Variants in DLL4 observed in about 807,000 individuals in gnomAD.
DLL4 encodes the protein delta-like protein 4.
Under a neutral mutation model 73.6 loss-of-function variants are expected in DLL4, and 7 were observed. The ratio of observed to expected loss-of-function variants is 0.10; its 90% CI spans 0.05 to 0.18. DLL4 has a LOEUF of 0.18. Among genes scored for constraint, DLL4 ranks in the 10% least tolerant of loss-of-function variants. The pLI is 1.00. For synonymous variants in DLL4, 345 were observed against 374.3 expected, an observed-to-expected ratio of 0.92 and a Z score of 0.90; for missense variants, 614 against 929.9, an observed-to-expected ratio of 0.66 and a Z score of 4.42.
In DLL4 at chr15:40,931,662, C is replaced by T. The variant is rs375615875; in HGVS notation, c.554C>T (p.Ser185Phe). ...CSDNYYGDNC[S>F]RLCKKRNDHF... The stretch of plus-strand genomic sequence containing the variant: ...GACAACTACTATGGAGACAACTGCT[C>T]CCGCCTGTGCAAGAAGCGCAATGAC... Residue 185 changes from serine (S) to phenylalanine (F), a missense_variant, in exon 4 of 11, where the codon TCC (serine) becomes TTC (phenylalanine). Ser to Phe is a radical substitution (Grantham distance 155, BLOSUM62 -2). Around this residue, in one of 3 missense-constraint regions of DLL4, gnomAD observed 227 missense variants for 370.8 expected, o/e 0.61. Transcript: ENST00000249749. 132 of 1,613,446 alleles carry T rather than the reference C, an allele frequency of 8.2e-5. 1 individual carries two copies. Among genetic ancestry groups the T allele is most frequent in the Non-Finnish European group, 1.1e-4 (124 of 1,179,736 alleles).
chr15:40,935,053 C>T lies in DLL4; in HGVS notation c.1176C>T (p.Pro392=). 6.2e-7 allele frequency: 1 copy of T among 1,613,490 alleles called. No individual in the cohort carries two copies. Among genetic ancestry groups the T allele is most frequent in the Non-Finnish European group, 8.5e-7 (1 of 1,179,896 alleles). ...CCAACTATGCTTGTGAATGTCCCCC[C>T]AACTTCACCGGCTCCAACTGCGAGA... ...QGANYACECP[P]NFTGSNCEKK... The change falls in exon 8 of 11, where the codon CCC becomes CCT. Residue 392 remains proline, a synonymous_variant. Transcript: ENST00000249749.
At position 40,937,305 on chromosome 15, in the gene DLL4, CCT is replaced by C. The variant is rs1161907070; in HGVS notation, c.1944-112_1944-111del. On this transcript the variant is annotated intron_variant, in intron 9 of 10. Transcript: ENST00000249749. ...AGCCCAGCACTGGGCACGTCCAGCCCCTGTGTCTTCCCCAAGAACCACCCTGC... is the reference window on the plus strand; with the variant it reads ...AGCCCAGCACTGGGCACGTCCAGCCCGTGTCTTCCCCAAGAACCACCCTGC... The C allele has an allele frequency of 1.3e-5, 10 of 790,824 alleles. No individual in the cohort carries two copies. The East Asian group carries it at 2.4e-4, about 19-fold the overall frequency. 49.0% of individuals were successfully genotyped at this position (790,824 alleles called of 1,614,324 possible). A position where few individuals can be genotyped will look rare whatever the true frequency, so the allele number is the denominator to read the frequency against.
intron 9 of DLL4, 83 bp from the exon 10 acceptor site, chr15:40,937,335 A>T: frequency 1.1e-6 from 1 of 948,558 alleles, no homozygotes; most frequent in East Asian, 2.4e-5. Context: ...CACCCTGCAG[A>T]TGCCCTTTGG....
Position 40,936,795 on chromosome 15 carries a change from C to T in DLL4, c.1808C>T (p.Ser603Phe). ...GAAGTGGACTGTGGCCTGGACAAGT[C>T]CAACTGTGGCAAACAGCAAAACCAC... is the stretch of plus-strand genomic sequence containing the variant. ...ELEVDCGLDK[S>F]NCGKQQNHTL... The change falls in exon 9 of 11, where the codon TCC becomes TTC. Residue 603 changes from serine (S) to phenylalanine (F), a missense_variant. Around this residue, in one of 3 missense-constraint regions of DLL4, gnomAD observed 386 missense variants for 541.3 expected, o/e 0.71. Coordinates refer to ENST00000249749, the MANE Select transcript of DLL4 (RefSeq NM_019074.4). 6.2e-7 allele frequency: 1 copy of T among 1,613,770 alleles called. No homozygotes were observed. The highest frequency in any genetic ancestry group is 8.5e-7 in the Non-Finnish European group (1 of 1,179,888).
Position 40,929,611 on chromosome 15 carries a change from G to A in DLL4, c.-58G>A. ...CGGCTGGCGGACGCGCGGGAAAGCGGCGTCGCGAACAGAGCCAGATTGAGG... is the reference window on the plus strand; with the variant it reads ...CGGCTGGCGGACGCGCGGGAAAGCGACGTCGCGAACAGAGCCAGATTGAGG... On this transcript the variant is annotated 5_prime_UTR_variant, in exon 1 of 11. Coordinates refer to ENST00000249749, the MANE Select transcript of DLL4 (RefSeq NM_019074.4). The surrounding 1 kb of genome is among the most constrained non-coding windows in gnomAD (Gnocchi z 7.1). 7.0e-7 allele frequency: 1 copy of A among 1,419,844 alleles called. No individual in the cohort carries two copies. The highest frequency in any genetic ancestry group is 9.2e-7 in the Non-Finnish European group (1 of 1,081,264). The allele number at this position is 1,419,844 out of a possible 1,614,324, so 88.0% of individuals were successfully genotyped here.
In DLL4 at chr15:40,937,432, G is replaced by A; in HGVS notation, c.1958G>A (p.Cys653Tyr). The A allele has an allele frequency of 6.2e-7, 1 of 1,613,254 alleles. No individual in the cohort carries two copies. The highest frequency in any genetic ancestry group is 1.1e-5 in the South Asian group (1 of 91,064). ...TGTTCCCTCAGTGAAAAGCCAGAGTGTCGGATATCAGCGATATGCTCCCCC... is the reference window on the plus strand; with the variant it reads ...TGTTCCCTCAGTGAAAAGCCAGAGTATCGGATATCAGCGATATGCTCCCCC... ...PLRLHSEKPE[C>Y]RISAICSPRD... is the part of the protein sequence containing the mutation. Residue 653 changes from cysteine (C) to tyrosine (Y), a missense_variant, in exon 10 of 11, where the codon TGT (cysteine) becomes TAT (tyrosine). Cys to Tyr is a radical substitution (Grantham distance 194). This residue lies in a region of DLL4 where 386 missense variants were observed against 541.3 expected (regional missense o/e 0.71). Transcript: ENST00000249749.
chr15:40,931,325 G>A (rs1300989559), intron 3 of DLL4, 178 bp from the exon 4 acceptor site: 14 of 681,330 alleles, frequency 2.1e-5, no homozygotes, highest in Non-Finnish European at 3.0e-5. Flanking sequence ...GGGCAGCTAC[G>A]TAGCGGGGCT....
intron 8 of DLL4, among the ~76,000 whole-genome samples, 167 bp from the exon 9 acceptor site, chr15:40,936,061 A>C (rs1415331365): frequency 6.6e-6 from 1 of 152,212 alleles, no homozygotes; most frequent in African/African-American, 2.4e-5. Flanking sequence ...CGAGAGAATC[A>C]AGGTCATGCT....
chr15:40,930,409 C>G lies in DLL4; in HGVS notation c.337-216C>G, dbSNP rs182301711. 2 of 643,368 alleles carry G rather than the reference C, an allele frequency of 3.1e-6. No individual in the cohort carries two copies. The highest frequency in any genetic ancestry group is 2.7e-5 in the East Asian group (1 of 36,658). 39.9% of individuals were successfully genotyped at this position (643,368 alleles called of 1,614,324 possible). On this transcript the variant is annotated intron_variant, in intron 2 of 10. Transcript: ENST00000249749. This position sits in a 1 kb window ranked among gnomAD's most constrained non-coding sequence, Gnocchi z 5.7. ...CCACCCCCTCCTCCAGTGGCTCTCCCTTACACTCTCCCGTCTCTCAACCCT... is the reference window on the plus strand; with the variant it reads ...CCACCCCCTCCTCCAGTGGCTCTCCGTTACACTCTCCCGTCTCTCAACCCT...
chr15:40,930,096 C>A lies in DLL4; in HGVS notation c.316C>A (p.Pro106Thr). The change falls in exon 2 of 11, where the codon CCC becomes ACC. Residue 106 changes from proline to threonine, a missense_variant. Pro to Thr is a conservative substitution (Grantham distance 38). Transcript: ENST00000249749. The surrounding 1 kb of genome is among the most constrained non-coding windows in gnomAD (Gnocchi z 5.7). The part of the protein sequence containing the change: ...SGGGRNPLQL[P>T]FNFTWPGTFS... ...CGGGGGGCGCAACCCTCTCCAACTG[C>A]CCTTCAATTTCACCTGGCCGGTGAG... is the stretch of plus-strand genomic sequence containing the variant. 6.2e-7 allele frequency: 1 copy of A among 1,607,300 alleles called. No individual in the cohort carries two copies. The highest frequency in any genetic ancestry group is 8.5e-7 in the Non-Finnish European group (1 of 1,177,736).
rs1181335396 is a variant in DLL4, at chr15:40,934,713, G to A, written c.1016G>A (p.Cys339Tyr). Residue 339 changes from cysteine to tyrosine, a missense_variant, in exon 7 of 11, where the codon TGT becomes TAT. This residue lies in a region of DLL4 where 386 missense variants were observed against 541.3 expected (regional missense o/e 0.71). Transcript: ENST00000249749. The stretch of plus-strand genomic sequence containing the variant: ...AACCCCTGTCGCAATGGAGGCAGCT[G>A]TAAGGTGAGGCCCAGACCAGCGCAG... ...DSNPCRNGGS[C>Y]KDQEDGYHCL... is the part of the protein sequence containing the mutation. 1 of 1,613,624 alleles carries A rather than the reference G, an allele frequency of 6.2e-7. No homozygotes were observed. Among genetic ancestry groups the A allele is most frequent in the Non-Finnish European group, 8.5e-7 (1 of 1,179,688 alleles).
intron 10 of DLL4, among the ~76,000 whole-genome samples, chr15:40,937,740 T>C (rs1892865205): frequency 6.6e-6 from 1 of 152,166 alleles, no homozygotes; most frequent in Non-Finnish European, 1.5e-5. Context: ...TCCTGCTGTA[T>C]TGGTGCTGGG....
At chr15:40,931,002 A>G (rs561372947) in intron 3 of DLL4, 33 of 493,262 alleles carry the variant, frequency 6.7e-5, no homozygotes, top group African/African-American at 6.4e-4. Context: ...AAAGGGAATA[A>G]TGGCTTTGGG....
At chr15:40,931,409 A>G in intron 3 of DLL4, 94 bp from the exon 4 acceptor site, 1 of 1,403,356 alleles carries the variant, frequency 7.1e-7, no homozygotes, top group Non-Finnish European at 9.6e-7. Context: ...TTGGCTGATC[A>G]CCATCATCAC....
chr15:40,937,581 GT>G, intron 10 of DLL4, 55 bp downstream of exon 10: 1 of 1,327,062 alleles, frequency 7.5e-7, no homozygotes, highest in East Asian at 2.3e-5. Flanking sequence ...AAGTGGCCTG[GT>G]CACTCTTGAC....
Position 40,930,826 on chromosome 15 carries a change from C to A in DLL4, c.394+144C>A. 1.2e-6 allele frequency: 1 copy of A among 804,450 alleles called. No homozygotes were observed. The highest frequency in any genetic ancestry group is 2.0e-6 in the Non-Finnish European group (1 of 503,948). 49.8% of individuals were successfully genotyped at this position (804,450 alleles called of 1,614,324 possible). On this transcript the variant is annotated intron_variant, in intron 3 of 10. Transcript: ENST00000249749. This position sits in a 1 kb window ranked among gnomAD's most constrained non-coding sequence, Gnocchi z 5.7. ...CTGGAGCTGCGCCCCGCGCTGGACG[C>A]TCGGATTCCGCTCGCTGCCTGGACT...
In DLL4 at chr15:40,929,682, C is replaced by T; in HGVS notation, c.14C>T (p.Ser5Phe). MAAA[S>F]RSASGWALLL... ...ACGCCCGAGGGGATGGCGGCAGCGT[C>T]CCGGAGCGCCTCTGGCTGGGCGCTA... Residue 5 changes from serine (S) to phenylalanine (F), a missense_variant, in exon 1 of 11, where the codon TCC becomes TTC. Physicochemically the swap from Ser to Phe is radical, Grantham distance 155. Around this residue, in one of 3 missense-constraint regions of DLL4, gnomAD observed 227 missense variants for 370.8 expected, o/e 0.61. Transcript: ENST00000249749. This position sits in a 1 kb window ranked among gnomAD's most constrained non-coding sequence, Gnocchi z 7.1. 2 of 1,563,212 alleles carry T rather than the reference C, an allele frequency of 1.3e-6. No homozygotes were observed. The highest frequency in any genetic ancestry group is 1.2e-5 in the South Asian group (1 of 85,568).
At chr15:40,932,671 G>C (rs2140369715) in intron 6 of DLL4, among the ~76,000 whole-genome samples, 1 of 152,196 alleles carries the variant, frequency 6.6e-6, no homozygotes, top group South Asian at 2.1e-4. Context: ...AGCCAGGGTG[G>C]CTGAAAAACC....
Position 40,930,663 on chromosome 15 carries a change from A to T in DLL4, c.375A>T (p.Pro125=), listed in dbSNP as rs751229569. 1 of 1,613,758 alleles carries T rather than the reference A, an allele frequency of 6.2e-7. No individual in the cohort carries two copies. The highest frequency in any genetic ancestry group is 2.2e-5 in the East Asian group (1 of 44,876). The change falls in exon 3 of 11, where the codon CCA becomes CCT. Residue 125 remains proline, a synonymous_variant. Coordinates refer to ENST00000249749, the MANE Select transcript of DLL4 (RefSeq NM_019074.4). The surrounding 1 kb of genome is among the most constrained non-coding windows in gnomAD (Gnocchi z 5.7). ...FSLIIEAWHA[P]GDDLRPEALP... is the part of the protein sequence containing the mutation. The stretch of plus-strand genomic sequence containing the variant: ...TCATCATCGAAGCTTGGCACGCGCC[A>T]GGAGACGACCTGCGGCCAGGTGAGT...
Sources: gnomAD v4.1 joint callset for allele counts (sites outside exome capture counted in the v4.1 genomes callset) on GRCh38, gnomAD v4.1.1 for gene constraint, gnomAD v4.1.1 regional missense constraint, Gnocchi (gnomAD v3.1) non-coding constraint, MANE v1.5 for transcripts, NCBI Gene and HGNC (gene_info 2026-07-23, HGNC 2026-07-21) for gene names.